Variants in PCNX1 observed in about 807,000 individuals in gnomAD.
The protein encoded by PCNX1 is pecanex-like protein 1.
In PCNX1, 78 loss-of-function variants were observed where a neutral mutation model predicts 242.2. The observed-to-expected ratio is 0.32, with a 90% confidence interval of 0.27 to 0.39. The LOEUF is 0.39. Ranked by LOEUF, PCNX1 falls within the 10% of genes least tolerant of loss-of-function variation. The pLI, the probability that PCNX1 is intolerant of heterozygous loss-of-function variation, is 1.00. For synonymous variants in PCNX1, 1,024 were observed against 1,032.9 expected (o/e 0.99, Z 0.17); for missense variants, 2,581 against 2,856.5 (o/e 0.90, Z 2.20).
At chr14:70,988,407 A>G (rs1476806724) in intron 6 of PCNX1, among the ~76,000 whole-genome samples, 160 bp from the exon 7 acceptor site, 2 of 152,212 alleles carry the variant, frequency 1.3e-5, no homozygotes, top group African/African-American at 2.4e-5. Flanking sequence ...CTTTTTGTGT[A>G]TTACCTGATA....
chr14:71,103,105 AT>A (rs1001377525), intron 31 of PCNX1, among the ~76,000 whole-genome samples: 3 of 152,218 alleles, frequency 2.0e-5, no homozygotes, highest in Non-Finnish European at 2.9e-5. Context: ...CTATAGTCTT[AT>A]TTATCAGTGC....
chr14:71,027,971 T>G (rs2060282136), intron 15 of PCNX1, among the ~76,000 whole-genome samples: 1 of 151,926 alleles, frequency 6.6e-6, no homozygotes, highest in African/African-American at 2.4e-5. Context: ...GGTATTAGGT[T>G]TCTGATATCT....
intron 8 of PCNX1, among the ~76,000 whole-genome samples, chr14:71,008,516 C>T (rs530999934): frequency 5.9e-5 from 9 of 151,786 alleles, no homozygotes; most frequent in East Asian, 5.8e-4. Context: ...ATTAGCCGGG[C>T]GTGGTGGCGG....
intron 29 of PCNX1, 88 bp from the exon 30 acceptor site, chr14:71,089,104 G>A (rs1468469): frequency 0.11 from 108,745 of 972,892 alleles, 7,490 homozygotes; most frequent in African/African-American, 0.24. Context: ...ACACTCCCAG[G>A]TGATTCTGAT....
At chr14:71,006,679 G>T (rs1226643924) in intron 8 of PCNX1, among the ~76,000 whole-genome samples, 1 of 152,178 alleles carries the variant, frequency 6.6e-6, no homozygotes, top group African/African-American at 2.4e-5. Context: ...TAAAATTGCT[G>T]TGTATGCCAA....
rs757434829 is a variant in PCNX1, at chr14:71,108,805, G to A, written c.6503G>A (p.Arg2168Gln). ...AACTTGCCATCATCCATCCAATCCC[G>A]ACTGTCGATGGTGAACCAAATGGAA... ...LRNLPSSIQS[R>Q]LSMVNQMEPS... Residue 2168 changes from arginine (R) to glutamine (Q), a missense_variant, in exon 34 of 36, where the codon CGA (arginine) becomes CAA (glutamine). Coordinates refer to ENST00000304743, the MANE Select transcript of PCNX1 (RefSeq NM_014982.3). 3.0e-5 allele frequency: 48 copies of A among 1,614,072 alleles called. No individual in the cohort carries two copies. Among genetic ancestry groups the A allele is most frequent in the South Asian group, 1.4e-4 (13 of 91,072 alleles).
chr14:71,112,955 T>TAAC lies in PCNX1; in HGVS notation c.*3021_*3023dup, dbSNP rs1228307016. 1 of 152,210 alleles carries TAAC rather than the reference T, an allele frequency of 6.6e-6. No individual in the cohort carries two copies. Among genetic ancestry groups the TAAC allele is most frequent in the Non-Finnish European group, 1.5e-5 (1 of 68,022 alleles). 9.4% of individuals were successfully genotyped at this position (152,210 alleles called of 1,614,324 possible). On this transcript the variant is annotated 3_prime_UTR_variant, in exon 36 of 36. Coordinates refer to ENST00000304743, the MANE Select transcript of PCNX1 (RefSeq NM_014982.3). Reference sequence around the variant, plus strand: ...TCATTCAGTGGCAAAAAACATTTTATAACTCCTAAGTTTTTGGTTAATCTT... The same window carrying TAAC: ...TCATTCAGTGGCAAAAAACATTTTATAACAACTCCTAAGTTTTTGGTTAATCTT...
Position 70,995,816 on chromosome 14 carries a change from A to G in PCNX1, c.2520A>G (p.Ala840=), listed in dbSNP as rs928766161. ...KVQSRPPSQA[A]VLSASASLLV... ...AGTCCCGCCCCCCTTCCCAGGCTGC[A>G]GTGCTCAGTGCTAGTGCCTCCTTGC... The change falls in exon 8 of 36, where the codon GCA becomes GCG. Residue 840 remains alanine, a synonymous_variant. Coordinates refer to ENST00000304743, the MANE Select transcript of PCNX1 (RefSeq NM_014982.3). 3 of 1,613,982 alleles carry G rather than the reference A, an allele frequency of 1.9e-6. No homozygotes were observed. The highest frequency in any genetic ancestry group is 4.5e-5 in the East Asian group (2 of 44,880).
chr14:70,949,921 T>C (rs2140349000), intron 2 of PCNX1, among the ~76,000 whole-genome samples: 1 of 152,344 alleles, frequency 6.6e-6, no homozygotes, highest in Middle Eastern at 3.4e-3. Flanking sequence ...TTTACAGATG[T>C]GGAAACCAAG....
At chr14:70,994,394 A>AAG (rs1555357263) in intron 7 of PCNX1, among the ~76,000 whole-genome samples, 12 of 44,736 alleles carry the variant, frequency 2.7e-4, no homozygotes, top group East Asian at 1.0e-3. Context: ...CCACAGGCTT[A>AAG]AGATATATAT....
rs1188345414 is a variant in PCNX1, at chr14:71,109,979, C to G, written c.*44C>G. 1.3e-6 allele frequency: 2 copies of G among 1,576,198 alleles called. No individual in the cohort carries two copies. ...GACATTTCTTTTTCCCTCTCAATTC[C>G]AAGGCATTGGAAAAAGAGAGGAACA... On this transcript the variant is annotated 3_prime_UTR_variant, in exon 36 of 36. Coordinates refer to ENST00000304743, the MANE Select transcript of PCNX1 (RefSeq NM_014982.3).
intron 31 of PCNX1, 110 bp from the exon 32 acceptor site, chr14:71,103,285 C>A: frequency 8.1e-7 from 1 of 1,237,166 alleles, no homozygotes; most frequent in Non-Finnish European, 1.1e-6. Flanking sequence ...CCCCGCTTTT[C>A]ACAACTGGTT....
chr14:71,043,474 T>C (rs2060769638), intron 19 of PCNX1, among the ~76,000 whole-genome samples: 1 of 151,902 alleles, frequency 6.6e-6, no homozygotes, highest in Non-Finnish European at 1.5e-5. Flanking sequence ...CATGTAAGCT[T>C]TTCCCTCCCT....
chr14:71,107,188 T>C (rs1021873616), intron 33 of PCNX1, among the ~76,000 whole-genome samples: 1 of 152,124 alleles, frequency 6.6e-6, no homozygotes, highest in African/African-American at 2.4e-5. Context: ...CCCTGACTGC[T>C]TCACGTGAAT....
intron 14 of PCNX1, 65 bp downstream of exon 14, chr14:71,026,353 T>C (rs2060243411): frequency 1.1e-6 from 1 of 952,012 alleles, no homozygotes; most frequent in Non-Finnish European, 1.5e-6. Flanking sequence ...ATTTTACTGA[T>C]AAATATATCA....
chr14:71,012,818 CAAAAAA>C (rs10557318), intron 10 of PCNX1, 161 bp from the exon 11 acceptor site: 17 of 454,470 alleles, frequency 3.7e-5, no homozygotes, highest in East Asian at 2.0e-4. Context: ...GACTCTGTCT[CAAAAAA>C]AAAAAAAAAA....
intron 26 of PCNX1, among the ~76,000 whole-genome samples, chr14:71,058,379 A>G (rs1466238040): frequency 5.3e-5 from 8 of 152,198 alleles, no homozygotes; most frequent in Non-Finnish European, 1.0e-4. Flanking sequence ...ACAGAAAATC[A>G]CGCATTCAGA....
intron 30 of PCNX1, chr14:71,093,362 T>G (rs2062188125): frequency 6.7e-6 from 1 of 150,030 alleles, no homozygotes. Flanking sequence ...AAGGTGTGGC[T>G]CTTGGACAAA....
At chr14:70,958,226 AAGTT>A (rs2058065110) in intron 2 of PCNX1, among the ~76,000 whole-genome samples, 1 of 152,186 alleles carries the variant, frequency 6.6e-6, no homozygotes, top group African/African-American at 2.4e-5. Context: ...AATGGATAGT[AAGTT>A]AGAAAGCTAG....
Sources: allele counts gnomAD v4.1 joint callset (sites outside exome capture counted in the v4.1 genomes callset), GRCh38; gene constraint gnomAD v4.1.1; transcripts MANE v1.5; gene names NCBI Gene and HGNC (gene_info 2026-07-23, HGNC 2026-07-21).